The following ADAMTS5 variants were observed in gnomAD, a reference collection of about 807,000 sequenced individuals.
ADAMTS5 encodes A disintegrin and metalloproteinase with thrombospondin motifs 5.
In ADAMTS5, 54 loss-of-function variants were observed where a neutral mutation model predicts 81.4. The ratio of observed to expected loss-of-function variants is 0.66; its 90% confidence interval spans 0.53 to 0.83. The LOEUF (loss-of-function observed/expected upper bound fraction) is 0.83. Ranked by LOEUF, ADAMTS5 falls within the 40% of genes least tolerant of loss-of-function variation. ADAMTS5 has a pLI of 0.00. For missense variants in ADAMTS5, 1,194 were observed against 1,229.9 expected (o/e 0.97, Z 0.44); for synonymous variants, 532 against 508.8 (o/e 1.05, Z -0.61).
At chr21:26,934,770 G>C (rs764045738) in intron 3 of ADAMTS5, 21 bp from the exon 4 acceptor site, 47 of 1,609,958 alleles carry the variant, frequency 2.9e-5, no homozygotes, top group Non-Finnish European at 3.8e-5. Flanking sequence ...AACTGAGATT[G>C]ACCACGGCTC....
intron 5 of ADAMTS5, among the ~76,000 whole-genome samples, chr21:26,932,502 G>GC (rs1986929822): frequency 6.6e-6 from 1 of 151,994 alleles, no homozygotes; most frequent in Non-Finnish European, 1.5e-5. Flanking sequence ...GACCAGTCTG[G>GC]CCAACATAGT....
intron 1 of ADAMTS5, among the ~76,000 whole-genome samples, chr21:26,956,147 C>A (rs1414951898): frequency 2.6e-5 from 4 of 152,272 alleles, no homozygotes; most frequent in Middle Eastern, 3.4e-3. Flanking sequence ...GACTACATAA[C>A]CAGTGCTACA....
intron 7 of ADAMTS5, among the ~76,000 whole-genome samples, chr21:26,926,298 C>G (rs1986804989): frequency 6.6e-6 from 1 of 152,124 alleles, no homozygotes; most frequent in African/African-American, 2.4e-5. Context: ...ACATCTTACA[C>G]AAAAAGAGTA....
chr21:26,934,688 C>T lies in ADAMTS5; in HGVS notation c.1467G>A (p.Gln489=), dbSNP rs778291315. 6 of 1,614,072 alleles carry T rather than the reference C, an allele frequency of 3.7e-6. No homozygotes were observed. Among genetic ancestry groups the T allele is most frequent in the Non-Finnish European group, 5.1e-6 (6 of 1,180,048 alleles). ...QILGPEELPG[Q]TYDATQQCNL... is the part of the protein sequence containing the mutation. ...TGCACTGCTGGGTGGCATCGTAGGT[C>T]TGTCCTGGGAGTTCTTCGGGGCCCA... Residue 489 remains glutamine (Q), a synonymous_variant, in exon 4 of 8, where the codon CAG becomes CAA. Coordinates refer to ENST00000284987, the MANE Select transcript of ADAMTS5 (RefSeq NM_007038.5).
intron 4 of ADAMTS5, 121 bp downstream of exon 4, chr21:26,934,345 T>G: frequency 7.5e-7 from 1 of 1,330,676 alleles, no homozygotes; most frequent in Non-Finnish European, 1.0e-6. Context: ...TAAATAAACC[T>G]CAAAATGAAA....
intron 3 of ADAMTS5, among the ~76,000 whole-genome samples, chr21:26,936,159 T>C (rs1378307908): frequency 2.0e-5 from 3 of 152,184 alleles, no homozygotes; most frequent in East Asian, 1.9e-4. Context: ...AGGGCAGCCA[T>C]GTGTAAGGAT....
intron 7 of ADAMTS5, among the ~76,000 whole-genome samples, chr21:26,926,669 A>G (rs1313955140): frequency 4.1e-5 from 3 of 73,906 alleles, no homozygotes; most frequent in African/African-American, 6.7e-5. Flanking sequence ...CCCTGTCTTA[A>G]AAAAAAAAAA....
intron 4 of ADAMTS5, 51 bp downstream of exon 4, chr21:26,934,415 G>C (rs1329588426): frequency 6.3e-7 from 1 of 1,597,386 alleles, no homozygotes; most frequent in Non-Finnish European, 8.6e-7. Flanking sequence ...TCACAAGAAT[G>C]CACTTCACTT....
intron 7 of ADAMTS5, among the ~76,000 whole-genome samples, chr21:26,928,681 TTTTCTTTCTTTCTCTCTCTCTC>T (rs1264096900): frequency 1.3e-5 from 2 of 151,230 alleles, no homozygotes; most frequent in Admixed American, 6.6e-5. Context: ...CTTTCTTTCT[TTTTCTTTCTTTCTCTCTCTCTC>T]TTTCTTTCTT....
At chr21:26,964,264 A>C (rs547822898) in intron 1 of ADAMTS5, among the ~76,000 whole-genome samples, 1 of 152,304 alleles carries the variant, frequency 6.6e-6, no homozygotes, top group Admixed American at 6.5e-5. Context: ...GAGGCTTAGA[A>C]CTATGCGCAA....
chr21:26,953,290 A>G (rs1217131242), intron 2 of ADAMTS5, among the ~76,000 whole-genome samples: 1 of 152,210 alleles, frequency 6.6e-6, no homozygotes, highest in Non-Finnish European at 1.5e-5. Flanking sequence ...GAAGCCAAAG[A>G]CGCCTAATCA....
chr21:26,944,951 C>T (rs1987185775), intron 2 of ADAMTS5, among the ~76,000 whole-genome samples: 1 of 152,082 alleles, frequency 6.6e-6, no homozygotes, highest in African/African-American at 2.4e-5. Context: ...ATATTTACTT[C>T]GACAGCATTT....
rs1987203052 is a variant in ADAMTS5, at chr21:26,945,735, TA to T, written c.1238-2189del. Among the ~76,000 whole-genome samples, 3 of 152,314 alleles carry T rather than the reference TA, an allele frequency of 2.0e-5. No homozygotes were observed. The South Asian group carries it at 6.2e-4, about 32-fold the overall frequency. Reference sequence around the variant, plus strand: ...AGCATCATTTATGAATCTTTTGGAATACTAGTTAATATAACATTATGACTTC... The same window carrying T: ...AGCATCATTTATGAATCTTTTGGAATCTAGTTAATATAACATTATGACTTC... On this transcript the variant is annotated intron_variant, in intron 2 of 7. Coordinates refer to ENST00000284987, the MANE Select transcript of ADAMTS5 (RefSeq NM_007038.5).
chr21:26,932,218 C>T (rs376522311), intron 5 of ADAMTS5, 39 bp from the exon 6 acceptor site: 11 of 1,579,970 alleles, frequency 7.0e-6, no homozygotes, highest in South Asian at 3.5e-5. Context: ...CTTATCAGTT[C>T]TGAAACTTAG....
chr21:26,930,861 C>T (rs1191877924), intron 6 of ADAMTS5, among the ~76,000 whole-genome samples: 1 of 152,018 alleles, frequency 6.6e-6, no homozygotes, highest in Non-Finnish European at 1.5e-5. Context: ...GTAGAATATA[C>T]TTTATCAGGT....
chr21:26,941,477 C>T (rs1987113516), intron 3 of ADAMTS5, among the ~76,000 whole-genome samples: 1 of 151,974 alleles, frequency 6.6e-6, no homozygotes, highest in East Asian at 1.9e-4. Context: ...GAAGACAATG[C>T]TGAAAGCATA....
At chr21:26,959,161 G>A (rs1030757379) in intron 1 of ADAMTS5, among the ~76,000 whole-genome samples, 26 of 152,160 alleles carry the variant, frequency 1.7e-4, no homozygotes, top group African/African-American at 2.7e-4. Flanking sequence ...GATGCTTGAC[G>A]GAGTCATTCT....
rs558937866 is a variant in ADAMTS5 at position 26,952,516 on chromosome 21, T to C, written c.1237+2223A>G. Among the ~76,000 whole-genome samples the C allele has an allele frequency of 9.2e-5, 14 of 152,276 alleles. No individual in the cohort carries two copies. In the South Asian group the frequency reaches 1.9e-3, roughly 20 times the overall value. On this transcript the variant is annotated intron_variant, in intron 2 of 7. Transcript: ENST00000284987. The stretch of plus-strand genomic sequence containing the variant: ...GCTCTTCAATCCTCCCTAGTTAACT[T>C]GAGGTCAAAGCATCCCTGAAGAAGC...
At chr21:26,945,515 T>C (rs910818552) in intron 2 of ADAMTS5, among the ~76,000 whole-genome samples, 1 of 152,198 alleles carries the variant, frequency 6.6e-6, no homozygotes, top group African/African-American at 2.4e-5. Flanking sequence ...TTTTTATTAT[T>C]GTATCAAGAG....
Sources: allele counts gnomAD v4.1 joint callset (sites outside exome capture counted in the v4.1 genomes callset), GRCh38; gene constraint gnomAD v4.1.1; transcripts MANE v1.5; gene names NCBI Gene and HGNC (gene_info 2026-07-23, HGNC 2026-07-21).